The following DYNC1LI1 variants were observed in gnomAD, a reference collection of about 807,000 sequenced individuals.
DYNC1LI1 encodes the protein dynein cytoplasmic 1 light intermediate chain 1.
In DYNC1LI1, 19 loss-of-function variants were observed where a neutral mutation model predicts 63.8. The ratio of observed to expected loss-of-function variants is 0.30; its 90% CI spans 0.21 to 0.44. The LOEUF (loss-of-function observed/expected upper bound fraction) is 0.44, where lower values mean the gene tolerates loss of function less well. DYNC1LI1 is among the 20% of genes least tolerant of loss of function. The probability of loss-of-function intolerance (pLI) is 1.00; values close to 1 mark genes in which losing one functional copy is unlikely to be tolerated. For synonymous variants in DYNC1LI1, 225 were observed against 232.3 expected (o/e 0.97, Z 0.28); for missense variants, 565 against 630.2 (o/e 0.90, Z 1.11).
At chr3:32,551,888 C>G (rs571877536) in intron 2 of DYNC1LI1, among the ~76,000 whole-genome samples, 35 of 152,268 alleles carry the variant, frequency 2.3e-4, no homozygotes, top group African/African-American at 7.9e-4. Flanking sequence ...GCCCTTCTCA[C>G]TCTATATGTA....
intron 12 of DYNC1LI1, among the ~76,000 whole-genome samples, chr3:32,527,477 G>C (rs1697636489): frequency 6.6e-6 from 1 of 151,860 alleles, no homozygotes; most frequent in South Asian, 2.1e-4. Flanking sequence ...GTAGCATCTA[G>C]AGAAGATGAA....
chr3:32,550,474 T>C (rs1348827790), intron 2 of DYNC1LI1, among the ~76,000 whole-genome samples: 1 of 152,158 alleles, frequency 6.6e-6, no homozygotes, highest in Non-Finnish European at 1.5e-5. Context: ...TCTAACTATA[T>C]AGGCTCACTA....
intron 2 of DYNC1LI1, among the ~76,000 whole-genome samples, chr3:32,561,943 ATTTATT>A (rs1272065981): frequency 6.6e-6 from 1 of 152,186 alleles, no homozygotes; most frequent in Non-Finnish European, 1.5e-5. Context: ...ATAAATCATG[ATTTATT>A]TTTAAGAAAA....
chr3:32,528,649 C>T, intron 11 of DYNC1LI1, 48 bp from the exon 12 acceptor site: 1 of 1,533,136 alleles, frequency 6.5e-7, no homozygotes, highest in Non-Finnish European at 8.8e-7. Flanking sequence ...ACATAAGATT[C>T]TTCCTTAAAT....
intron 11 of DYNC1LI1, among the ~76,000 whole-genome samples, chr3:32,529,155 T>A (rs1448366685): frequency 6.6e-6 from 1 of 152,194 alleles, no homozygotes; most frequent in Non-Finnish European, 1.5e-5. Flanking sequence ...AAAAATATTA[T>A]CCAAAGGCAT....
Position 32,545,027 on chromosome 3 carries a change from T to C in DYNC1LI1, c.417A>G (p.Val139=), listed in dbSNP as rs1007922673. 5.6e-6 allele frequency: 9 copies of C among 1,614,114 alleles called. No individual in the cohort carries two copies. The highest frequency in any genetic ancestry group is 7.6e-6 in the Non-Finnish European group (9 of 1,179,976). ...GCATAACTAGAGTATCCTTCAGAGA[T>C]ACGGCATCCAGTGAAAATTTAAGGA... ...KGLLKFSLDA[V]SLKDTLVMLV... is the part of the protein sequence containing the mutation. Residue 139 remains valine (V), a synonymous_variant, in exon 4 of 13, where the codon GTA becomes GTG. Coordinates refer to ENST00000273130, the MANE Select transcript of DYNC1LI1 (RefSeq NM_016141.4).
intron 2 of DYNC1LI1, among the ~76,000 whole-genome samples, chr3:32,556,472 G>C (rs1370252562): frequency 2.0e-5 from 3 of 152,172 alleles, no homozygotes; most frequent in Non-Finnish European, 4.4e-5. Context: ...TTACCAAATA[G>C]AGAAACCATG....
At chr3:32,533,237 T>G in intron 7 of DYNC1LI1, 140 bp from the exon 8 acceptor site, 1 of 1,316,690 alleles carries the variant, frequency 7.6e-7, no homozygotes. Context: ...CATTATGATG[T>G]CCACGTTTTA....
intron 2 of DYNC1LI1, chr3:32,570,023 G>A (rs1229262439): frequency 8.7e-6 from 4 of 457,526 alleles, no homozygotes; most frequent in African/African-American, 6.2e-5. Flanking sequence ...AAGAAAACCT[G>A]TCATTTTCTA....
At chr3:32,546,367 C>T (rs913482288) in intron 2 of DYNC1LI1, among the ~76,000 whole-genome samples, 1 of 151,826 alleles carries the variant, frequency 6.6e-6, no homozygotes. Context: ...AAGATTGTGC[C>T]ACTGTACTCC....
At chr3:32,557,186 G>T (rs1016974921) in intron 2 of DYNC1LI1, among the ~76,000 whole-genome samples, 4 of 152,114 alleles carry the variant, frequency 2.6e-5, no homozygotes, top group African/African-American at 9.7e-5. Flanking sequence ...AAATATTAAA[G>T]TTTAGGATGT....
At chr3:32,536,424 T>C (rs1697774390) in intron 6 of DYNC1LI1, among the ~76,000 whole-genome samples, 1 of 152,176 alleles carries the variant, frequency 6.6e-6, no homozygotes. Context: ...ATTTTCTCCC[T>C]ATTTTAGCTG....
At chr3:32,557,653 C>T (rs921118752) in intron 2 of DYNC1LI1, among the ~76,000 whole-genome samples, 3 of 152,092 alleles carry the variant, frequency 2.0e-5, no homozygotes, top group Admixed American at 2.0e-4. Context: ...GAAAACACAA[C>T]ACACCTAATA....
chr3:32,536,860 A>T lies in DYNC1LI1; in HGVS notation c.832+151T>A. On this transcript the variant is annotated intron_variant, in intron 6 of 12. Coordinates refer to ENST00000273130, the MANE Select transcript of DYNC1LI1 (RefSeq NM_016141.4). ...TATCTCAAAATATCCAAATGTAAAT[A>T]ATTTGGGAACTAAAATGAAATTTCC... is the stretch of plus-strand genomic sequence containing the variant. 5.4e-6 allele frequency: 3 copies of T among 557,228 alleles called. No individual in the cohort carries two copies. In the Admixed American group the frequency reaches 1.1e-4, roughly 21 times the overall value. 34.5% of individuals were successfully genotyped at this position (557,228 alleles called of 1,614,324 possible). A position where few individuals can be genotyped will look rare whatever the true frequency, so the allele number is the denominator to read the frequency against.
chr3:32,549,400 C>A (rs1447033940), intron 2 of DYNC1LI1, among the ~76,000 whole-genome samples: 3 of 151,804 alleles, frequency 2.0e-5, no homozygotes, highest in Non-Finnish European at 4.4e-5. Context: ...GAGCCTGAAT[C>A]TGTTCTAGAA....
At chr3:32,535,158 C>A (rs1460383880) in intron 6 of DYNC1LI1, among the ~76,000 whole-genome samples, 1 of 152,098 alleles carries the variant, frequency 6.6e-6, no homozygotes, top group East Asian at 1.9e-4. Flanking sequence ...GAAAGGTGAG[C>A]CAGCAGGTAC....
At chr3:32,546,256 A>G (rs561993681) in intron 2 of DYNC1LI1, among the ~76,000 whole-genome samples, 1 of 152,248 alleles carries the variant, frequency 6.6e-6, no homozygotes, top group African/African-American at 2.4e-5. Context: ...AAAAGTAGAA[A>G]AATTAGTCAG....
rs149382200 is a variant in DYNC1LI1 at position 32,545,372 on chromosome 3, T to G, written c.338-266A>C. 202 of 483,726 alleles carry G rather than the reference T, an allele frequency of 4.2e-4. 1 individual carries two copies. Among genetic ancestry groups the G allele is most frequent in the African/African-American group, 3.5e-3 (179 of 51,532 alleles). The allele number at this position is 483,726 out of a possible 1,614,324, so 30.0% of individuals were successfully genotyped here. A position where few individuals can be genotyped will look rare whatever the true frequency, so the allele number is the denominator to read the frequency against. ...GTAGCATCCTCTACTTCATATTTCTTAATCCAAAACCAGAGGATGCATAAC... is the reference window on the plus strand; with the variant it reads ...GTAGCATCCTCTACTTCATATTTCTGAATCCAAAACCAGAGGATGCATAAC... On this transcript the variant is annotated intron_variant, in intron 3 of 12. Transcript: ENST00000273130.
intron 2 of DYNC1LI1, among the ~76,000 whole-genome samples, chr3:32,559,663 G>A (rs1356312501): frequency 1.3e-5 from 2 of 152,158 alleles, no homozygotes; most frequent in African/African-American, 4.8e-5. Flanking sequence ...TAGCTATCTT[G>A]AACACTTCCC....
Sources: gnomAD v4.1 joint callset for allele counts (sites outside exome capture counted in the v4.1 genomes callset) on GRCh38, gnomAD v4.1.1 for gene constraint, MANE v1.5 for transcripts, NCBI Gene and HGNC (gene_info 2026-07-23, HGNC 2026-07-21) for gene names.